The following LRRC49 variants were observed in gnomAD, a reference collection of about 807,000 sequenced individuals.
The protein encoded by LRRC49 is leucine rich repeat containing 49.
In LRRC49, 50 loss-of-function variants were observed where a neutral mutation model predicts 83.3. The observed-to-expected ratio is 0.60, with a 90% confidence interval of 0.48 to 0.76. The LOEUF (loss-of-function observed/expected upper bound fraction) is 0.76, where lower values mean the gene tolerates loss of function less well. LRRC49 is among the 30% of genes least tolerant of loss of function. The pLI is 0.00. For missense variants in LRRC49, 704 were observed against 809.1 expected, an observed-to-expected ratio of 0.87 and a Z score of 1.58; for synonymous variants, 286 against 283.3, an observed-to-expected ratio of 1.01 and a Z score of -0.10.
At chr15:70,894,907 ATAT>A (rs2033766060) in intron 2 of LRRC49, among the ~76,000 whole-genome samples, 1 of 152,214 alleles carries the variant, frequency 6.6e-6, no homozygotes, top group South Asian at 2.1e-4. Context: ...TTAATTGAAA[ATAT>A]TATTTATTAT....
intron 8 of LRRC49, among the ~76,000 whole-genome samples, chr15:70,948,380 A>G (rs1450169708): frequency 2.0e-5 from 3 of 152,112 alleles, no homozygotes; most frequent in Admixed American, 2.0e-4. Flanking sequence ...CCACTAAGGC[A>G]TTAACCCTTG....
chr15:70,904,992 T>C (rs2034244754), intron 5 of LRRC49, among the ~76,000 whole-genome samples: 1 of 152,222 alleles, frequency 6.6e-6, no homozygotes, highest in Non-Finnish European at 1.5e-5. Flanking sequence ...TTTCCAGTGT[T>C]GTATCTTATA....
chr15:70,867,434 G>T (rs2032936913), intron 1 of LRRC49, among the ~76,000 whole-genome samples: 1 of 152,136 alleles, frequency 6.6e-6, no homozygotes. Flanking sequence ...GACGGGAATG[G>T]CCATTTTTGG....
Position 70,882,442 on chromosome 15 carries a change from G to A in LRRC49, c.18+9219G>A, listed in dbSNP as rs775801004. 8 of 1,596,480 alleles carry A rather than the reference G, an allele frequency of 5.0e-6. No individual in the cohort carries two copies. The South Asian group carries it at 7.8e-5, about 16-fold the overall frequency. ...AAATCTATAGCACATCAGAGCATTT[G>A]ATGTTGAGTTTTTAACATGTTTCTT... is the stretch of plus-strand genomic sequence containing the variant. On this transcript the variant is annotated intron_variant, in intron 2 of 16. Coordinates refer to the LRRC49 transcript ENST00000544974.
chr15:70,929,235 G>T (rs1180720239), intron 7 of LRRC49, among the ~76,000 whole-genome samples: 3 of 152,070 alleles, frequency 2.0e-5, no homozygotes, highest in Non-Finnish European at 4.4e-5. Context: ...GATACTGTGG[G>T]TTCAGTTCCA....
intron 11 of LRRC49, among the ~76,000 whole-genome samples, chr15:70,989,889 A>G (rs187048995): frequency 1.4e-4 from 21 of 152,286 alleles, no homozygotes; most frequent in African/African-American, 4.6e-4. Flanking sequence ...AGTTTGCTAG[A>G]GGCCCACTCC....
At chr15:71,025,710 A>AG (rs1474069875) in intron 14 of LRRC49, among the ~76,000 whole-genome samples, 2 of 151,528 alleles carry the variant, frequency 1.3e-5, no homozygotes, top group East Asian at 1.9e-4. Context: ...ATAGAAAGAA[A>AG]AAAAAAAACA....
intron 14 of LRRC49, among the ~76,000 whole-genome samples, chr15:71,022,185 C>A (rs1324619221): frequency 6.6e-6 from 1 of 152,092 alleles, no homozygotes; most frequent in African/African-American, 2.4e-5. Context: ...CCAGCCTGTT[C>A]AACATTGTGA....
At chr15:70,872,403 C>T (rs952095091) in intron 1 of LRRC49, among the ~76,000 whole-genome samples, 4 of 121,652 alleles carry the variant, frequency 3.3e-5, no homozygotes, top group East Asian at 2.6e-4. Flanking sequence ...GAGACGGAGA[C>T]GTAGGGGAGA....
intron 10 of LRRC49, among the ~76,000 whole-genome samples, chr15:70,980,571 CGT>C (rs777325137): frequency 2.8e-5 from 4 of 144,206 alleles, no homozygotes; most frequent in Non-Finnish European, 4.5e-5. Flanking sequence ...AGCTCTGCTA[CGT>C]TTTTTTTTTT....
chr15:70,990,485 G>A (rs1307528399), intron 11 of LRRC49, among the ~76,000 whole-genome samples: 2 of 152,216 alleles, frequency 1.3e-5, no homozygotes, highest in Admixed American at 1.3e-4. Context: ...AAGCCCATCG[G>A]AAAAGCACAG....
intron 8 of LRRC49, among the ~76,000 whole-genome samples, chr15:70,961,627 A>G (rs1296654242): frequency 1.3e-5 from 2 of 152,226 alleles, no homozygotes; most frequent in Non-Finnish European, 1.5e-5. Flanking sequence ...GCATATTGCT[A>G]AGTGAAAGAA....
At chr15:70,892,387 T>C, upstream of LRRC49, 1 of 1,544,584 alleles carries the variant, frequency 6.5e-7, no homozygotes, top group Non-Finnish European at 8.7e-7. Context: ...CCACTCCGGG[T>C]CGGGATTGTT....
chr15:70,985,817 G>A (rs2037592071), intron 11 of LRRC49, among the ~76,000 whole-genome samples: 1 of 147,886 alleles, frequency 6.8e-6, no homozygotes, highest in African/African-American at 2.5e-5. Context: ...TAAGGTGTAA[G>A]GAAGGGATCC....
intron 8 of LRRC49, among the ~76,000 whole-genome samples, chr15:70,942,316 G>T (rs2035851525): frequency 6.6e-6 from 1 of 151,966 alleles, no homozygotes. Context: ...GTGCATAAGG[G>T]CCTTAAAATT....
intron 9 of LRRC49, among the ~76,000 whole-genome samples, chr15:70,965,488 G>A (rs914540837): frequency 6.6e-6 from 1 of 151,890 alleles, no homozygotes; most frequent in African/African-American, 2.4e-5. Flanking sequence ...CATTTTTCTG[G>A]AACTATTTCT....
chr15:71,017,032 C>A (rs1221226776), intron 14 of LRRC49, among the ~76,000 whole-genome samples: 1 of 151,490 alleles, frequency 6.6e-6, no homozygotes, highest in Non-Finnish European at 1.5e-5. Flanking sequence ...ATCACTTGAG[C>A]CTGGGAGGCT....
At chr15:70,971,651 C>T (rs905475689) in intron 9 of LRRC49, among the ~76,000 whole-genome samples, 3 of 152,104 alleles carry the variant, frequency 2.0e-5, no homozygotes, top group African/African-American at 7.2e-5. Context: ...TCTGAGTGCT[C>T]CTATATTGGG....
At chr15:70,915,057 A>G (rs566404378) in intron 6 of LRRC49, among the ~76,000 whole-genome samples, 18 of 152,138 alleles carry the variant, frequency 1.2e-4, no homozygotes, top group South Asian at 6.2e-4. Context: ...AAGTATATCA[A>G]TCAATCAAGA....
Sources: gnomAD v4.1 joint callset for allele counts (sites outside exome capture counted in the v4.1 genomes callset) on GRCh38, gnomAD v4.1.1 for gene constraint, MANE v1.5 for transcripts, NCBI Gene and HGNC (gene_info 2026-07-23, HGNC 2026-07-21) for gene names.